The following HTR1F variants were observed in gnomAD, a reference collection of about 807,000 sequenced individuals.
The protein encoded by HTR1F is 5-hydroxytryptamine receptor 1F.
In HTR1F, 17 loss-of-function variants were observed where a neutral mutation model predicts 24.0. The ratio of observed to expected loss-of-function variants is 0.71; its 90% confidence interval spans 0.48 to 1.06. The LOEUF (loss-of-function observed/expected upper bound fraction) is 1.06. HTR1F is among the 50% of genes least tolerant of loss of function. The probability of loss-of-function intolerance (pLI) is 0.00; values close to 1 mark genes in which losing one functional copy is unlikely to be tolerated. For synonymous variants in HTR1F, 186 were observed against 156.8 expected, an observed-to-expected ratio of 1.19 and a Z score of -1.39; for missense variants, 391 against 427.8, an observed-to-expected ratio of 0.91 and a Z score of 0.76.
intron 2 of HTR1F, among the ~76,000 whole-genome samples, chr3:87,932,875 C>A (rs1315518049): frequency 1.3e-5 from 2 of 151,574 alleles, no homozygotes; most frequent in East Asian, 3.9e-4. Context: ...CATCCTGATA[C>A]CAAAGCCAGG....
At chr3:87,843,673 T>TCCCCCCCCCCC (rs36180414) in intron 2 of HTR1F, among the ~76,000 whole-genome samples, 1 of 122,558 alleles carries the variant, frequency 8.2e-6, no homozygotes, top group Non-Finnish European at 1.7e-5. Context: ...GTGCTATCCC[T>TCCCCCCCCCCC]CCCCCTCCCC....
chr3:87,838,339 T>C (rs12489455), intron 2 of HTR1F, among the ~76,000 whole-genome samples: 18,627 of 152,022 alleles, frequency 0.12, 1,462 homozygotes, highest in African/African-American at 0.22. Flanking sequence ...CCTTGCCAGC[T>C]ACTCCAGGGA....
At chr3:87,906,281 T>C (rs1576012469) in intron 2 of HTR1F, among the ~76,000 whole-genome samples, 4 of 152,048 alleles carry the variant, frequency 2.6e-5, no homozygotes, top group East Asian at 1.9e-4. Context: ...TTTATCTGTA[T>C]TGATACCAAA....
intron 2 of HTR1F, among the ~76,000 whole-genome samples, chr3:87,830,682 A>G (rs1258965244): frequency 1.3e-5 from 2 of 152,166 alleles, no homozygotes; most frequent in Non-Finnish European, 2.9e-5. Context: ...CTGAATCTTT[A>G]TATTTTTACA....
chr3:87,832,075 C>T (rs1224157835), intron 2 of HTR1F, among the ~76,000 whole-genome samples: 1 of 152,078 alleles, frequency 6.6e-6, no homozygotes, highest in African/African-American at 2.4e-5. Context: ...CTCTCTAATG[C>T]CAAGAGCCTG....
chr3:87,827,288 C>T (rs1383836400), intron 2 of HTR1F, among the ~76,000 whole-genome samples: 1 of 151,974 alleles, frequency 6.6e-6, no homozygotes, highest in Admixed American at 6.6e-5. Flanking sequence ...GTGTTATTCC[C>T]CTCCCTGTGT....
intron 2 of HTR1F, among the ~76,000 whole-genome samples, chr3:87,941,826 T>C (rs928527240): frequency 2.6e-5 from 4 of 152,130 alleles, no homozygotes; most frequent in African/African-American, 9.7e-5. Context: ...AGAGGGACAA[T>C]GGCCTCACTG....
chr3:87,925,079 A>G (rs1392709162), intron 2 of HTR1F, among the ~76,000 whole-genome samples: 10 of 149,330 alleles, frequency 6.7e-5, no homozygotes, highest in Non-Finnish European at 8.9e-5. Flanking sequence ...TTGTCTCTTC[A>G]TGATTTCTTC....
chr3:87,926,174 T>A (rs930268939), intron 2 of HTR1F, among the ~76,000 whole-genome samples: 1 of 152,216 alleles, frequency 6.6e-6, no homozygotes, highest in Non-Finnish European at 1.5e-5. Flanking sequence ...TGTCAGTGGA[T>A]AAAGCTTGTA....
intron 2 of HTR1F, among the ~76,000 whole-genome samples, chr3:87,885,631 G>A (rs917933342): frequency 9.9e-5 from 15 of 151,692 alleles, no homozygotes; most frequent in African/African-American, 3.6e-4. Context: ...GAATCAAATA[G>A]ACGCAATAAA....
At chr3:87,900,674 A>G (rs1423045795) in intron 2 of HTR1F, among the ~76,000 whole-genome samples, 2 of 152,172 alleles carry the variant, frequency 1.3e-5, no homozygotes, top group Non-Finnish European at 2.9e-5. Context: ...AATATATTTT[A>G]AAGTTAGAGC....
chr3:87,812,505 G>A (rs1704177769), intron 1 of HTR1F, among the ~76,000 whole-genome samples: 1 of 152,174 alleles, frequency 6.6e-6, no homozygotes, highest in Non-Finnish European at 1.5e-5. Context: ...TAAAAGGGAA[G>A]CAGAGCATAA....
intron 2 of HTR1F, among the ~76,000 whole-genome samples, chr3:87,853,592 G>A (rs1705135388): frequency 1.3e-5 from 2 of 152,066 alleles, no homozygotes; most frequent in Admixed American, 1.3e-4. Context: ...ACCCAGTCAT[G>A]GGATTGCTGA....
At chr3:87,940,433 C>A (rs1340331006) in intron 2 of HTR1F, among the ~76,000 whole-genome samples, 2 of 152,108 alleles carry the variant, frequency 1.3e-5, no homozygotes, top group East Asian at 3.8e-4. Context: ...CCTAGGAATA[C>A]AACTTACAAG....
rs542723330 is a variant in HTR1F at position 87,812,250 on chromosome 3, G to A, written c.-159-9758G>A. 9.8e-5 allele frequency among the ~76,000 whole-genome samples: 15 copies of A among 152,326 alleles called. No homozygotes were observed. The South Asian group carries it at 2.9e-3, about 29-fold the overall frequency. On this transcript the variant is annotated intron_variant, in intron 1 of 2. Transcript: ENST00000319595. ...GTTTGGAGGGCTCAGAAGACAGGAA[G>A]ATGAGGGAAAAATTCGATCTTCCTA... is the stretch of plus-strand genomic sequence containing the variant.
At chr3:87,851,807 T>C (rs1051895746) in intron 2 of HTR1F, among the ~76,000 whole-genome samples, 5 of 151,738 alleles carry the variant, frequency 3.3e-5, no homozygotes, top group East Asian at 3.9e-4. Flanking sequence ...GCTAAGTTTT[T>C]CTTCCTGTCA....
intron 1 of HTR1F, among the ~76,000 whole-genome samples, chr3:87,812,679 C>T (rs1704181629): frequency 6.6e-6 from 1 of 152,114 alleles, no homozygotes; most frequent in Non-Finnish European, 1.5e-5. Flanking sequence ...TTGGTGGCAG[C>T]CCCTGCAATC....
At chr3:87,975,714 A>C (rs1265082373) in intron 2 of HTR1F, among the ~76,000 whole-genome samples, 1 of 152,220 alleles carries the variant, frequency 6.6e-6, no homozygotes, top group Non-Finnish European at 1.5e-5. Flanking sequence ...CATACTAAAC[A>C]AGTCTCAGCC....
intron 2 of HTR1F, among the ~76,000 whole-genome samples, chr3:87,835,050 A>T (rs1240188206): frequency 2.0e-5 from 3 of 152,202 alleles, no homozygotes; most frequent in African/African-American, 7.2e-5. Flanking sequence ...GGAATTATCG[A>T]TAGGTGTTTG....
Sources: gnomAD v4.1 joint callset for allele counts (sites outside exome capture counted in the v4.1 genomes callset) on GRCh38, gnomAD v4.1.1 for gene constraint, MANE v1.5 for transcripts, NCBI Gene and HGNC (gene_info 2026-07-23, HGNC 2026-07-21) for gene names.